MAML3: variants seen among roughly 807,000 people sequenced by gnomAD.
MAML3 encodes the protein mastermind like transcriptional coactivator 3, also known as mastermind-like protein 3.
A neutral mutation model predicts 101.9 loss-of-function variants in MAML3; 27 were observed. The ratio of observed to expected loss-of-function variants is 0.27; its 90% confidence interval spans 0.20 to 0.37. The LOEUF (loss-of-function observed/expected upper bound fraction) is 0.37, where lower values mean the gene tolerates loss of function less well. Among genes scored for constraint, MAML3 ranks in the 10% least tolerant of loss-of-function variants. The probability of loss-of-function intolerance (pLI) is 1.00; values close to 1 mark genes in which losing one functional copy is unlikely to be tolerated. For missense variants in MAML3, 1,316 were observed against 1,444.9 expected, an observed-to-expected ratio of 0.91 and a Z score of 1.45; for synonymous variants, 501 against 555.9, an observed-to-expected ratio of 0.90 and a Z score of 1.39.
intron 2 of MAML3, among the ~76,000 whole-genome samples, chr4:139,837,463 A>G (rs1731275435): frequency 6.6e-6 from 1 of 151,992 alleles, no homozygotes; most frequent in South Asian, 2.1e-4. Flanking sequence ...ATGCCACTGC[A>G]CTCTAGCCTG....
chr4:140,039,519 G>T (rs1373830272), intron 1 of MAML3, among the ~76,000 whole-genome samples: 1 of 152,164 alleles, frequency 6.6e-6, no homozygotes, highest in African/African-American at 2.4e-5. Context: ...AACCTTGAAG[G>T]TTATGTCTCC....
chr4:139,942,066 G>A (rs1482846823), intron 1 of MAML3, among the ~76,000 whole-genome samples: 1 of 152,028 alleles, frequency 6.6e-6, no homozygotes. Flanking sequence ...ACCGGGAGGC[G>A]GAGGTTGCAG....
At chr4:139,859,178 C>T (rs140957354) in intron 2 of MAML3, among the ~76,000 whole-genome samples, 2 of 151,966 alleles carry the variant, frequency 1.3e-5, no homozygotes, top group African/African-American at 4.8e-5. Flanking sequence ...ACATGAAAAA[C>T]ATCTCTGATT....
chr4:140,026,335 A>C (rs1217328199), intron 1 of MAML3, among the ~76,000 whole-genome samples: 3 of 152,008 alleles, frequency 2.0e-5, no homozygotes, highest in Non-Finnish European at 2.9e-5. Flanking sequence ...GCTCACTGCA[A>C]CCTCCACCTC....
intron 4 of MAML3, 104 bp from the exon 5 acceptor site, chr4:139,720,427 G>C: frequency 1.0e-6 from 1 of 977,640 alleles, no homozygotes. Flanking sequence ...TCCTTTATAT[G>C]AAAGGATCTA....
intron 2 of MAML3, among the ~76,000 whole-genome samples, chr4:139,887,097 C>T (rs1343385579): frequency 3.3e-5 from 5 of 152,130 alleles, no homozygotes; most frequent in South Asian, 2.1e-4. Flanking sequence ...TATTTTATAT[C>T]GTACCTGTAA....
chr4:140,002,182 GTA>G, intron 1 of MAML3, among the ~76,000 whole-genome samples: 1 of 152,048 alleles, frequency 6.6e-6, no homozygotes, highest in South Asian at 2.1e-4. Context: ...TGAAAATTTT[GTA>G]TCTTTTGACC....
chr4:139,884,769 T>C (rs1732293316), intron 2 of MAML3, among the ~76,000 whole-genome samples: 3 of 152,250 alleles, frequency 2.0e-5, no homozygotes, highest in Non-Finnish European at 2.9e-5. Flanking sequence ...TCTGTGTTAT[T>C]TGTGCTAATG....
intron 1 of MAML3, among the ~76,000 whole-genome samples, chr4:139,984,258 C>A (rs1983214): frequency 0.97 from 147,836 of 152,152 alleles, 71,988 homozygotes; most frequent in Middle Eastern, 1. Flanking sequence ...ATTGCAAATG[C>A]GGAGATCAAG....
At chr4:139,825,181 A>G (rs972050336) in intron 2 of MAML3, among the ~76,000 whole-genome samples, 11 of 152,172 alleles carry the variant, frequency 7.2e-5, no homozygotes, top group African/African-American at 2.4e-4. Flanking sequence ...CTTAAAAAAA[A>G]GAATAATGGG....
chr4:139,886,967 C>A (rs1732353410), intron 2 of MAML3, among the ~76,000 whole-genome samples: 1 of 152,182 alleles, frequency 6.6e-6, no homozygotes, highest in South Asian at 2.1e-4. Flanking sequence ...AAAGGCTTTG[C>A]TGCTGAAGTC....
Position 140,066,795 on chromosome 4 carries a change from C to T in MAML3, c.468+86065G>A, listed in dbSNP as rs150571419. 3.0e-3 allele frequency among the ~76,000 whole-genome samples: 460 copies of T among 152,340 alleles called. 1 individual carries two copies. The highest frequency in any genetic ancestry group is 0.011 in the African/African-American group (446 of 41,592). ...CCAGATCTACCTATCCCACCAACTG[C>T]TGCTTCCTTTCTGGGAGAACCCATC... On this transcript the variant is annotated intron_variant, in intron 1 of 4. Transcript: ENST00000509479.
intron 1 of MAML3, among the ~76,000 whole-genome samples, chr4:140,082,829 C>T (rs547588580): frequency 2.4e-4 from 36 of 151,944 alleles, no homozygotes; most frequent in African/African-American, 8.7e-4. Flanking sequence ...TGGGTCCCAC[C>T]GGGGCTGAGC....
intron 2 of MAML3, among the ~76,000 whole-genome samples, chr4:139,824,720 TC>T (rs767545017): frequency 6.6e-6 from 1 of 152,166 alleles, no homozygotes; most frequent in Non-Finnish European, 1.5e-5. Context: ...TAATCTATTT[TC>T]CCCCATTAGT....
chr4:139,854,952 C>T lies in MAML3; in HGVS notation c.2079+34405G>A, dbSNP rs529772772. Among the ~76,000 whole-genome samples, 8 of 152,308 alleles carry T rather than the reference C, an allele frequency of 5.3e-5. No individual in the cohort carries two copies. In the East Asian group the frequency reaches 1.5e-3, roughly 29 times the overall value. Reference sequence around the variant, plus strand: ...CATTCTCAACTCCCCGCCACAGCCTCCTTCTATTTCCTAAATCAGCCATGT... The same window carrying T: ...CATTCTCAACTCCCCGCCACAGCCTTCTTCTATTTCCTAAATCAGCCATGT... On this transcript the variant is annotated intron_variant, in intron 2 of 4. Coordinates refer to ENST00000509479, the MANE Select transcript of MAML3 (RefSeq NM_018717.5).
At chr4:140,012,916 C>G (rs1050434610) in intron 1 of MAML3, among the ~76,000 whole-genome samples, 2 of 152,198 alleles carry the variant, frequency 1.3e-5, no homozygotes, top group African/African-American at 2.4e-5. Context: ...GAGCCATTCC[C>G]ATAAAAGCAC....
At chr4:139,951,700 C>A (rs1252739123) in intron 1 of MAML3, among the ~76,000 whole-genome samples, 2 of 151,842 alleles carry the variant, frequency 1.3e-5, no homozygotes, top group East Asian at 3.9e-4. Flanking sequence ...CTGAACTCAA[C>A]AAATGTTCTT....
intron 2 of MAML3, among the ~76,000 whole-genome samples, chr4:139,804,266 A>AGGATTTTTTTTTTTTTT: frequency 7.6e-6 from 1 of 131,272 alleles, no homozygotes; most frequent in Non-Finnish European, 1.7e-5. Context: ...GATCTCACTA[A>AGGATTTTTTTTTTTTTT]GGATTTTTTT....
intron 2 of MAML3, among the ~76,000 whole-genome samples, chr4:139,856,548 T>C (rs984154627): frequency 1.3e-5 from 2 of 152,222 alleles, no homozygotes; most frequent in African/African-American, 4.8e-5. Context: ...CAAATGGTTG[T>C]CTTCATCCTG....
Sources: allele counts gnomAD v4.1 joint callset (sites outside exome capture counted in the v4.1 genomes callset), GRCh38; gene constraint gnomAD v4.1.1; transcripts MANE v1.5; gene names NCBI Gene and HGNC (gene_info 2026-07-23, HGNC 2026-07-21).